Variants in ADAM12 observed in about 807,000 individuals in gnomAD.
ADAM12 encodes the protein ADAM metallopeptidase domain 12, also known as disintegrin and metalloproteinase domain-containing protein 12.
Under a neutral mutation model 106.4 loss-of-function variants are expected in ADAM12, and 70 were observed. The ratio of observed to expected loss-of-function variants is 0.66; its 90% CI spans 0.54 to 0.80. ADAM12 has a LOEUF of 0.80. Among genes scored for constraint, ADAM12 ranks in the 30% least tolerant of loss-of-function variants. The pLI is 0.00. For missense variants in ADAM12, 1,010 were observed against 1,171.9 expected, an observed-to-expected ratio of 0.86 and a Z score of 2.02; for synonymous variants, 420 against 433.5, an observed-to-expected ratio of 0.97 and a Z score of 0.39.
intron 19 of ADAM12, among the ~76,000 whole-genome samples, chr10:126,039,082 C>T (rs1954112064): frequency 6.6e-6 from 1 of 151,516 alleles, no homozygotes; most frequent in Non-Finnish European, 1.5e-5. Flanking sequence ...GCCTCAGCCT[C>T]CCGAGTAGAT....
intron 1 of ADAM12, among the ~76,000 whole-genome samples, chr10:126,332,923 G>A (rs966442273): frequency 4.6e-5 from 7 of 152,146 alleles, no homozygotes; most frequent in Non-Finnish European, 1.0e-4. Context: ...TGCAGAGGCC[G>A]ACTACAGAGT....
chr10:126,087,316 T>C (rs78588797), intron 11 of ADAM12, among the ~76,000 whole-genome samples: 15,821 of 152,226 alleles, frequency 0.1, 1,148 homozygotes, highest in African/African-American at 0.2. Flanking sequence ...TGCATATTGA[T>C]GCGCCCTTCT....
chr10:126,166,592 C>A (rs554326952), intron 3 of ADAM12, among the ~76,000 whole-genome samples: 30 of 152,226 alleles, frequency 2.0e-4, no homozygotes, highest in African/African-American at 7.0e-4. Flanking sequence ...CTCCACCTCC[C>A]GGTTTAAGTG....
At chr10:126,244,276 C>T (rs975183504) in intron 3 of ADAM12, among the ~76,000 whole-genome samples, 6 of 152,204 alleles carry the variant, frequency 3.9e-5, no homozygotes, top group Non-Finnish European at 5.9e-5. Context: ...AGAGATCAGA[C>T]AATCGGGGAA....
At chr10:126,086,680 A>AAAT (rs1554966976) in intron 11 of ADAM12, among the ~76,000 whole-genome samples, 10 of 24,276 alleles carry the variant, frequency 4.1e-4, no homozygotes, top group Non-Finnish European at 5.9e-4. Context: ...AAAAAAAAAA[A>AAAT]ATATATATAT....
At chr10:126,381,894 G>C (rs1856505068) in intron 1 of ADAM12, among the ~76,000 whole-genome samples, 1 of 151,712 alleles carries the variant, frequency 6.6e-6, no homozygotes, top group African/African-American at 2.4e-5. Flanking sequence ...AGGATCACTT[G>C]AGCTCAGAGG....
At chr10:126,086,771 A>C (rs1955365633) in intron 11 of ADAM12, among the ~76,000 whole-genome samples, 1 of 141,708 alleles carries the variant, frequency 7.1e-6, no homozygotes, top group South Asian at 2.4e-4. Context: ...TGCGTGGCTC[A>C]CACCTGTATC....
intron 1 of ADAM12, among the ~76,000 whole-genome samples, chr10:126,366,264 T>C (rs1025304208): frequency 1.1e-4 from 17 of 152,246 alleles, no homozygotes; most frequent in Non-Finnish European, 2.1e-4. Context: ...GACAGATGAA[T>C]GAATAATTTA....
chr10:126,354,908 C>A (rs544315239), intron 1 of ADAM12, among the ~76,000 whole-genome samples: 2 of 151,770 alleles, frequency 1.3e-5, no homozygotes, highest in Non-Finnish European at 2.9e-5. Flanking sequence ...GAGATGGGAG[C>A]TTTTCACATA....
intron 2 of ADAM12, among the ~76,000 whole-genome samples, chr10:126,281,765 G>A (rs985288260): frequency 1.3e-5 from 2 of 152,178 alleles, no homozygotes; most frequent in African/African-American, 4.8e-5. Flanking sequence ...TAATGGAACT[G>A]TGTCTTTTAT....
At chr10:126,092,100 C>A (rs11517288) in intron 11 of ADAM12, among the ~76,000 whole-genome samples, 12,205 of 152,096 alleles carry the variant, frequency 0.08, 1,123 homozygotes, top group African/African-American at 0.22. Flanking sequence ...TGTTCTTGAT[C>A]TAGGTTTTCC....
chr10:126,318,562 A>ACTCACACACTCTTT (rs59473224), intron 2 of ADAM12, among the ~76,000 whole-genome samples: 1 of 150,798 alleles, frequency 6.6e-6, no homozygotes, highest in Non-Finnish European at 1.5e-5. Flanking sequence ...TCACATTCAC[A>ACTCACACACTCTTT]CTCACACACT....
chr10:126,316,520 A>G (rs1853879389), intron 2 of ADAM12, among the ~76,000 whole-genome samples: 1 of 152,110 alleles, frequency 6.6e-6, no homozygotes, highest in Non-Finnish European at 1.5e-5. Flanking sequence ...ATACATGTAA[A>G]TTGATGAAAA....
At chr10:126,037,595 T>A (rs1373649140) in intron 20 of ADAM12, among the ~76,000 whole-genome samples, 1 of 152,202 alleles carries the variant, frequency 6.6e-6, no homozygotes, top group Non-Finnish European at 1.5e-5. Flanking sequence ...ATTCAAGAAT[T>A]CTTGTGGGTA....
intron 5 of ADAM12, among the ~76,000 whole-genome samples, chr10:126,124,383 A>G (rs368522204): frequency 5.3e-5 from 8 of 152,032 alleles, no homozygotes; most frequent in East Asian, 3.9e-4. Flanking sequence ...ATTACTTAAC[A>G]CATACGCACC....
At chr10:126,170,326 C>T (rs919399081) in intron 3 of ADAM12, among the ~76,000 whole-genome samples, 1 of 152,116 alleles carries the variant, frequency 6.6e-6, no homozygotes, top group Admixed American at 6.5e-5. Context: ...AGGACCTTCA[C>T]TTTCTGAAGT....
At chr10:126,086,651 CAAAAAAAAAA>C (rs1171936921) in intron 11 of ADAM12, among the ~76,000 whole-genome samples, 8 of 16,924 alleles carry the variant, frequency 4.7e-4, no homozygotes, top group East Asian at 5.4e-3. Flanking sequence ...GACTCTGCCT[CAAAAAAAAAA>C]AAAAAAAAAA....
At chr10:126,354,808 GT>G (rs767374540) in intron 1 of ADAM12, among the ~76,000 whole-genome samples, 42 of 69,256 alleles carry the variant, frequency 6.1e-4, no homozygotes, top group African/African-American at 1.0e-3. Context: ...GCTAAAGTTT[GT>G]TTTTTTTTTA....
chr10:126,153,465 C>T (rs1956763168), intron 4 of ADAM12, among the ~76,000 whole-genome samples: 2 of 152,220 alleles, frequency 1.3e-5, no homozygotes, highest in South Asian at 4.1e-4. Flanking sequence ...ACAGGCTCGT[C>T]ACACTCTGAT....
Sources: allele counts gnomAD v4.1 joint callset (sites outside exome capture counted in the v4.1 genomes callset), GRCh38; gene constraint gnomAD v4.1.1; transcripts MANE v1.5; gene names NCBI Gene and HGNC (gene_info 2026-07-23, HGNC 2026-07-21).